FHIP1B: variants seen among roughly 807,000 people sequenced by gnomAD.
The protein encoded by FHIP1B is FHF complex subunit HOOK-interacting protein 1B.
In FHIP1B, 28 loss-of-function variants were observed where a neutral mutation model predicts 82.2. The ratio of observed to expected loss-of-function variants is 0.34; its 90% confidence interval spans 0.25 to 0.47. FHIP1B has a LOEUF of 0.47. FHIP1B is among the 20% of genes least tolerant of loss of function. The pLI is 1.00. For missense variants in FHIP1B, 1,110 were observed against 1,262.6 expected (o/e 0.88, Z 1.83); for synonymous variants, 585 against 516.1 (o/e 1.13, Z -1.81).
chr11:6,217,989 T>A lies in FHIP1B; in HGVS notation c.1597A>T (p.Ser533Cys), dbSNP rs2133802784. The A allele has an allele frequency of 6.2e-7, 1 of 1,613,518 alleles. No individual in the cohort carries two copies. Among genetic ancestry groups the A allele is most frequent in the Non-Finnish European group, 8.5e-7 (1 of 1,179,980 alleles). ...GCAGGGGTAGGCCGTCGGCCAGGGC[T>A]GGAGGCGGGGGATGCAGAAAGCCCT... ...SPGLSASPASSPGRRPTPAEE... is the reference protein window; with the variant it reads ...SPGLSASPASCPGRRPTPAEE... Residue 533 changes from serine to cysteine, a missense_variant, in exon 9 of 12, where the codon AGC (serine) becomes TGC (cysteine). Around this residue, in one of 6 missense-constraint regions of FHIP1B, gnomAD observed 418 missense variants for 371.4 expected, o/e 1.13. Coordinates refer to ENST00000449352, the MANE Select transcript of FHIP1B (RefSeq NM_001098794.2).
chr11:6,223,863 C>G lies in FHIP1B; in HGVS notation c.524G>C (p.Gly175Ala), dbSNP rs943819667. The change falls in exon 3 of 12, where the codon GGC (glycine) becomes GCC (alanine). Residue 175 changes from glycine (G) to alanine (A), a missense_variant. This residue lies in a region of FHIP1B where 467 missense variants were observed against 602.9 expected (regional missense o/e 0.77). Transcript: ENST00000449352. The surrounding 1 kb of genome is among the most constrained non-coding windows in gnomAD (Gnocchi z 4.8). Reference sequence around the variant, plus strand: ...CAGCTGGCTGAGAAGTAGCACCAAGCCTTCATCCAGTGCTGGGCTACTGGG... The same window carrying G: ...CAGCTGGCTGAGAAGTAGCACCAAGGCTTCATCCAGTGCTGGGCTACTGGG... ...PVPSSPALDE[G>A]LVLLLSQLCV... The G allele has an allele frequency of 6.2e-7, 1 of 1,614,250 alleles. No homozygotes were observed. Among genetic ancestry groups the G allele is most frequent in the Non-Finnish European group, 8.5e-7 (1 of 1,180,044 alleles).
chr11:6,223,850 A>G lies in FHIP1B; in HGVS notation c.537T>C (p.Leu179=), dbSNP rs758785246. 1 of 1,614,230 alleles carries G rather than the reference A, an allele frequency of 6.2e-7. No homozygotes were observed. The highest frequency in any genetic ancestry group is 1.7e-5 in the Admixed American group (1 of 60,036). ...SPALDEGLVL[L]LSQLCVCVAQ... ...CCACACAAACACACAGCTGGCTGAG[A>G]AGTAGCACCAAGCCTTCATCCAGTG... Residue 179 remains leucine (L), a synonymous_variant, in exon 3 of 12, where the codon CTT becomes CTC. Coordinates refer to ENST00000449352, the MANE Select transcript of FHIP1B (RefSeq NM_001098794.2). The surrounding 1 kb of genome is among the most constrained non-coding windows in gnomAD (Gnocchi z 4.8).
rs776448088 is a variant in FHIP1B at position 6,211,783 on chromosome 11, A to C, written c.2642T>G (p.Val881Gly). The part of the protein sequence containing the change: ...PTRARQAAQL[V>G]LQPGRDGAGL... The stretch of plus-strand genomic sequence containing the variant: ...TGCTCCGTCTCGCCCAGGCTGAAGG[A>C]CCAATTGTGCCGCCTGCCGGGCCCT... Residue 881 changes from valine (V) to glycine (G), a missense_variant, in exon 12 of 12, where the codon GTC becomes GGC. Transcript: ENST00000449352. 31 of 1,613,806 alleles carry C rather than the reference A, an allele frequency of 1.9e-5. No homozygotes were observed. In the Admixed American group the frequency reaches 4.8e-4, roughly 25 times the overall value.
intron 1 of FHIP1B, among the ~76,000 whole-genome samples, chr11:6,225,356 G>A (rs1014629638): frequency 4.6e-5 from 7 of 152,130 alleles, no homozygotes; most frequent in African/African-American, 1.7e-4. Flanking sequence ...TGCTGTCATT[G>A]CTCGTTTTGT....
chr11:6,214,792 G>A lies in FHIP1B; in HGVS notation c.2335C>T (p.Arg779Cys). 2.5e-6 allele frequency: 4 copies of A among 1,609,688 alleles called. No individual in the cohort carries two copies. The highest frequency in any genetic ancestry group is 2.5e-6 in the Non-Finnish European group (3 of 1,178,060). The change falls in exon 10 of 12, where the codon CGC becomes TGC. Residue 779 changes from arginine (R) to cysteine (C), a missense_variant. Arg to Cys is a radical substitution (Grantham distance 180). This residue lies in a region of FHIP1B where 39 missense variants were observed against 79.6 expected (regional missense o/e 0.49). Coordinates refer to ENST00000449352, the MANE Select transcript of FHIP1B (RefSeq NM_001098794.2). ...ATGTTGGTGTTGAGCAGGAAAGAGCGGAGCAGGGGCTGGGGGTGACAGGCC... is the reference window on the plus strand; with the variant it reads ...ATGTTGGTGTTGAGCAGGAAAGAGCAGAGCAGGGGCTGGGGGTGACAGGCC... ...QLACHPQPLL[R>C]SFLLNTNMVF...
At chr11:6,233,023 G>C (rs776303154) in intron 1 of FHIP1B, among the ~76,000 whole-genome samples, 25 of 152,138 alleles carry the variant, frequency 1.6e-4, no homozygotes, top group Non-Finnish European at 1.6e-4. Context: ...ATCATGTACA[G>C]GGTCCTTGGT....
At chr11:6,213,245 T>C (rs1233550065) in intron 11 of FHIP1B, among the ~76,000 whole-genome samples, 1 of 152,220 alleles carries the variant, frequency 6.6e-6, no homozygotes, top group South Asian at 2.1e-4. Context: ...CCCATACACT[T>C]TTCTCATTAA....
intron 1 of FHIP1B, among the ~76,000 whole-genome samples, chr11:6,227,852 G>A (rs906667791): frequency 4.6e-5 from 7 of 152,148 alleles, no homozygotes; most frequent in South Asian, 2.1e-4. Flanking sequence ...AAGAAATAAC[G>A]ATGATCTAGA....
chr11:6,214,966 C>T (rs532398914), intron 9 of FHIP1B, 55 bp from the exon 10 acceptor site: 12 of 1,437,704 alleles, frequency 8.3e-6, no homozygotes, highest in Middle Eastern at 1.8e-4. Flanking sequence ...CAATGCACAT[C>T]GCACGCATTC....
At chr11:6,217,248 A>G (rs942982400) in intron 9 of FHIP1B, 123 bp downstream of exon 9, 1 of 837,794 alleles carries the variant, frequency 1.2e-6, no homozygotes. Context: ...TGCAAGCAGG[A>G]TGGATGAGGG....
At chr11:6,227,806 G>A (rs910335992) in intron 1 of FHIP1B, among the ~76,000 whole-genome samples, 1 of 152,106 alleles carries the variant, frequency 6.6e-6, no homozygotes, top group Admixed American at 6.5e-5. Context: ...CTTTAAAGAA[G>A]ACTTTGAAGG....
Position 6,214,880 on chromosome 11 carries a change from G to A in FHIP1B, c.2247C>T (p.Leu749=), listed in dbSNP as rs776232245. The A allele has an allele frequency of 1.7e-4, 276 of 1,601,760 alleles. No individual in the cohort carries two copies. The highest frequency in any genetic ancestry group is 2.3e-5 in the Non-Finnish European group (27 of 1,173,560). Residue 749 remains leucine, a synonymous_variant, in exon 10 of 12, where the codon CTC becomes CTT. Transcript: ENST00000449352. The part of the protein sequence containing the change: ...GPFMAVLFAK[L]ENMLQNSVYV... ...AGACGGAGTTCTGCAGCATGTTCTC[G>A]AGTTTGGCAAAGAGCACAGCCATGA... is the stretch of plus-strand genomic sequence containing the variant.
In FHIP1B at chr11:6,217,687, G is replaced by GGGA. The variant is rs1554909285; in HGVS notation, c.1896_1898dup (p.Pro633dup). 1.2e-6 allele frequency: 2 copies of GGGA among 1,613,448 alleles called. No individual in the cohort carries two copies. The highest frequency in any genetic ancestry group is 1.7e-6 in the Non-Finnish European group (2 of 1,179,844). ...ATGATCCTGGCACTCCATTGAGCTG[G>GGGA]GGAGGGGGCAGGTGACCAGGGCCCT... On this transcript the variant is annotated inframe_insertion, in exon 9 of 12. Transcript: ENST00000449352.
At chr11:6,214,652 C>T in intron 10 of FHIP1B, 79 bp from the exon 11 acceptor site, 1 of 1,550,104 alleles carries the variant, frequency 6.5e-7, no homozygotes, top group South Asian at 1.2e-5. Flanking sequence ...GGCCTGTTCC[C>T]AGCCCACCCA....
At chr11:6,234,233 C>T (rs965190405) in intron 1 of FHIP1B, among the ~76,000 whole-genome samples, 3 of 152,088 alleles carry the variant, frequency 2.0e-5, no homozygotes, top group Non-Finnish European at 2.9e-5. Context: ...TCTCTCTCCT[C>T]GCGCAGGCCT....
rs749265378 is a variant in FHIP1B, at chr11:6,214,404, G to A, written c.2557+7C>T. ...GGCAGGTACGGGTGTGGTGGGATAGGCCTCACCTAGGGGATCAGAACGGCG... is the reference window on the plus strand; with the variant it reads ...GGCAGGTACGGGTGTGGTGGGATAGACCTCACCTAGGGGATCAGAACGGCG... On this transcript the variant is annotated splice_region_variant and intron_variant, in intron 11 of 11. Coordinates refer to ENST00000449352, the MANE Select transcript of FHIP1B (RefSeq NM_001098794.2). The A allele has an allele frequency of 6.2e-7, 1 of 1,602,994 alleles. No individual in the cohort carries two copies. The highest frequency in any genetic ancestry group is 8.5e-7 in the Non-Finnish European group (1 of 1,173,798).
At chr11:6,212,040 C>T (rs1564856207) in intron 11 of FHIP1B, 173 bp from the exon 12 acceptor site, 8 of 866,790 alleles carry the variant, frequency 9.2e-6, no homozygotes, top group Non-Finnish European at 8.3e-6. Flanking sequence ...TTTCCTGTCC[C>T]ATCCCTGAAG....
Position 6,223,627 on chromosome 11 carries a change from G to T in FHIP1B, c.760C>A (p.His254Asn). ...SPTVGRYIADHSYFCPVLATG... is the reference protein window; with the variant it reads ...SPTVGRYIADNSYFCPVLATG... ...GTGCTAACCGGGCAGAAGTAAGAGT[G>T]ATCCGCGATGTAGCGGCCCACAGTG... is the stretch of plus-strand genomic sequence containing the variant. Residue 254 changes from histidine (H) to asparagine (N), a missense_variant, in exon 3 of 12, where the codon CAC becomes AAC. Transcript: ENST00000449352. This position sits in a 1 kb window ranked among gnomAD's most constrained non-coding sequence, Gnocchi z 4.8. 1 of 1,596,332 alleles carries T rather than the reference G, an allele frequency of 6.3e-7. No individual in the cohort carries two copies. The highest frequency in any genetic ancestry group is 1.1e-5 in the South Asian group (1 of 88,124).
chr11:6,229,993 A>T (rs1211428260), intron 1 of FHIP1B, among the ~76,000 whole-genome samples: 1 of 151,482 alleles, frequency 6.6e-6, no homozygotes, highest in African/African-American at 2.4e-5. Context: ...AAAAAAAAAA[A>T]GCAGAACCTG....
Sources: gnomAD v4.1 joint callset for allele counts (sites outside exome capture counted in the v4.1 genomes callset) on GRCh38, gnomAD v4.1.1 for gene constraint, gnomAD v4.1.1 regional missense constraint, Gnocchi (gnomAD v3.1) non-coding constraint, MANE v1.5 for transcripts, NCBI Gene and HGNC (gene_info 2026-07-23, HGNC 2026-07-21) for gene names.